IL7: variants seen among roughly 807,000 people sequenced by gnomAD.
IL7 encodes interleukin-7.
Under a neutral mutation model 21.6 loss-of-function variants are expected in IL7, and 3 were observed. The observed-to-expected ratio is 0.14, with a 90% CI of 0.06 to 0.36. The LOEUF is 0.36. IL7 is among the 10% of genes least tolerant of loss of function. The probability of loss-of-function intolerance (pLI) is 1.00; values close to 1 mark genes in which losing one functional copy is unlikely to be tolerated. For synonymous variants in IL7, 62 were observed against 68.1 expected (o/e 0.91, Z 0.44); for missense variants, 175 against 200.2 (o/e 0.87, Z 0.76).
chr8:78,750,072 T>C (rs951437629), intron 2 of IL7, among the ~76,000 whole-genome samples: 8 of 152,024 alleles, frequency 5.3e-5, no homozygotes, highest in African/African-American at 1.9e-4. Flanking sequence ...GAATAGTCTG[T>C]TCTCCTTTAA....
In IL7 at chr8:78,676,828, C is replaced by G. The variant is rs368402228; in HGVS notation, n.274-724G>C. Among the ~76,000 whole-genome samples, 19 of 151,878 alleles carry G rather than the reference C, an allele frequency of 1.3e-4. No homozygotes were observed. In the South Asian group the frequency reaches 3.5e-3, roughly 28 times the overall value. ...TGAATTTCACAGCAAAAAAAAAGTG[C>G]CTTTTTTGGCTCTCATTTATGTGGT... On this transcript the variant is annotated intron_variant and non_coding_transcript_variant, in intron 4 of 4. Transcript: ENST00000523959.
chr8:78,781,052 T>C (rs1229230368), intron 2 of IL7, among the ~76,000 whole-genome samples: 2 of 152,224 alleles, frequency 1.3e-5, no homozygotes, highest in Non-Finnish European at 2.9e-5. Context: ...TTGCAACCCC[T>C]GATTTTTTCT....
At chr8:78,719,009 A>G (rs1380526765) in exon 6 of IL7, 1 of 151,756 alleles carries the variant, frequency 6.6e-6, no homozygotes, top group Non-Finnish European at 1.5e-5. Context: ...TTTTACTTAC[A>G]GTTTATTTCC....
intron 3 of IL7, among the ~76,000 whole-genome samples, chr8:78,724,532 A>G (rs2130639388): frequency 1.7e-5 from 1 of 59,268 alleles, no homozygotes; most frequent in South Asian, 5.6e-4. Flanking sequence ...TATTTCTTAT[A>G]GGGAAAACTC....
At chr8:78,761,162 A>C (rs1241708958) in intron 2 of IL7, 7 of 1,591,038 alleles carry the variant, frequency 4.4e-6, no homozygotes, top group Non-Finnish European at 1.7e-6. Context: ...AGAATGGCAG[A>C]TTTCCTTCAG....
intron 2 of IL7, among the ~76,000 whole-genome samples, chr8:78,750,233 G>A (rs1563419844): frequency 3.3e-5 from 5 of 151,512 alleles, no homozygotes; most frequent in Admixed American, 2.0e-4. Context: ...CTAAGGAGGG[G>A]AAAAAAAAGA....
intron 3 of IL7, chr8:78,697,625 GAAGTT>G (rs1810466543): frequency 3.0e-6 from 2 of 669,206 alleles, no homozygotes; most frequent in African/African-American, 3.9e-5. Flanking sequence ...AAGAGATGTA[GAAGTT>G]AAGTAATTAT....
At chr8:78,747,247 A>G (rs1175219484) in intron 2 of IL7, among the ~76,000 whole-genome samples, 2 of 131,774 alleles carry the variant, frequency 1.5e-5, no homozygotes, top group African/African-American at 6.0e-5. Flanking sequence ...GTGCAGTGGC[A>G]TGGTCTCGGC....
At chr8:78,802,370 T>C (rs1325315643) in intron 1 of IL7, among the ~76,000 whole-genome samples, 1 of 152,128 alleles carries the variant, frequency 6.6e-6, no homozygotes, top group African/African-American at 2.4e-5. Flanking sequence ...TTCACATTTA[T>C]AGATGGAGAA....
intron 4 of IL7, among the ~76,000 whole-genome samples, chr8:78,737,034 G>T (rs894222): frequency 0.22 from 33,058 of 151,906 alleles, 3,962 homozygotes; most frequent in Middle Eastern, 0.36. Flanking sequence ...AGAAAAAGGT[G>T]ACTTGTATCA....
chr8:78,802,847 CAT>C (rs1245186781), intron 1 of IL7, among the ~76,000 whole-genome samples: 2 of 152,112 alleles, frequency 1.3e-5, no homozygotes, highest in Admixed American at 1.3e-4. Flanking sequence ...AAAAAATAAC[CAT>C]ATATGTGTAG....
intron 2 of IL7, chr8:78,762,195 G>A (rs1382243758): frequency 5.7e-6 from 9 of 1,591,842 alleles, no homozygotes; most frequent in Non-Finnish European, 6.9e-6. Flanking sequence ...GCATTATCTC[G>A]AAGAACTGTC....
intron 5 of IL7, among the ~76,000 whole-genome samples, chr8:78,720,000 T>C (rs1811207700): frequency 6.6e-6 from 1 of 151,828 alleles, no homozygotes. Flanking sequence ...TAAGGCATTA[T>C]CTTCATAGAC....
chr8:78,760,635 G>A, intron 2 of IL7: 3 of 1,581,688 alleles, frequency 1.9e-6, no homozygotes, highest in Non-Finnish European at 2.6e-6. Context: ...GCTTTGAGGT[G>A]CTGTTCTGAG....
At chr8:78,801,011 G>A (rs895183318) in intron 1 of IL7, among the ~76,000 whole-genome samples, 7 of 152,034 alleles carry the variant, frequency 4.6e-5, no homozygotes, top group African/African-American at 7.2e-5. Flanking sequence ...TTTATTCACC[G>A]GATGGCATTT....
intron 4 of IL7, among the ~76,000 whole-genome samples, chr8:78,676,320 C>T (rs1401393542): frequency 6.6e-6 from 1 of 151,796 alleles, no homozygotes; most frequent in Non-Finnish European, 1.5e-5. Context: ...CCTTTTCTGT[C>T]AGCTCTTATT....
chr8:78,693,833 C>G (rs1810304003), intron 3 of IL7, among the ~76,000 whole-genome samples: 1 of 152,166 alleles, frequency 6.6e-6, no homozygotes, highest in South Asian at 2.1e-4. Flanking sequence ...ATGGTATTGC[C>G]TAGGTTTTCT....
At chr8:78,743,664 G>C (rs1490606348) in intron 2 of IL7, among the ~76,000 whole-genome samples, 1 of 152,118 alleles carries the variant, frequency 6.6e-6, no homozygotes, top group Non-Finnish European at 1.5e-5. Context: ...TTGAACCCTT[G>C]CTGGAGAGGT....
In IL7 at chr8:78,687,521, T is replaced by C. The variant is rs901423262; in HGVS notation, n.215-1574A>G. The stretch of plus-strand genomic sequence containing the variant: ...ATATAATAAATTATATATATTTATA[T>C]AATAAATTATATATTTATATAATAA... On this transcript the variant is annotated intron_variant and non_coding_transcript_variant, in intron 3 of 4. Coordinates refer to the IL7 transcript ENST00000523959. Among the ~76,000 whole-genome samples, 38 of 144,108 alleles carry C rather than the reference T, an allele frequency of 2.6e-4. 1 individual carries two copies. The highest frequency in any genetic ancestry group is 9.0e-4 in the African/African-American group (36 of 39,866). 94.5% of individuals were successfully genotyped at this position (144,108 alleles called of 152,430 possible).
Sources: allele counts gnomAD v4.1 joint callset (sites outside exome capture counted in the v4.1 genomes callset), GRCh38; gene constraint gnomAD v4.1.1; transcripts MANE v1.5; gene names NCBI Gene and HGNC (gene_info 2026-07-23, HGNC 2026-07-21).